Variants in KDM2B observed in about 807,000 individuals in gnomAD.
KDM2B encodes the protein lysine demethylase 2B.
KDM2B carries 26 observed loss-of-function variants against 150.0 expected under a neutral mutation model. The ratio of observed to expected loss-of-function variants is 0.17; its 90% confidence interval spans 0.13 to 0.24. KDM2B has a LOEUF of 0.24. Ranked by LOEUF, KDM2B falls within the 10% of genes least tolerant of loss-of-function variation. The pLI is 1.00. For missense variants in KDM2B, 1,265 were observed against 1,816.9 expected (o/e 0.70, Z 5.52); for synonymous variants, 734 against 729.5 (o/e 1.01, Z -0.10).
Position 121,509,776 on chromosome 12 carries a change from T to C in KDM2B, c.1438A>G (p.Ser480Gly). The C allele has an allele frequency of 1.2e-6, 2 of 1,614,130 alleles. No individual in the cohort carries two copies. Among genetic ancestry groups the C allele is most frequent in the Non-Finnish European group, 1.7e-6 (2 of 1,180,020 alleles). The change falls in exon 11 of 23, where the codon AGT (serine) becomes GGT (glycine). Residue 480 changes from serine to glycine, a missense_variant. Physicochemically the swap from Ser to Gly is moderately conservative, Grantham distance 56 (BLOSUM62 0). Transcript: ENST00000377071. ...ACGGCCAATGTGGTGGACTTCACACTTTCCTCCGACTCATTAGACAAAGTC... is the reference window on the plus strand; with the variant it reads ...ACGGCCAATGTGGTGGACTTCACACCTTCCTCCGACTCATTAGACAAAGTC... ...KRTLSNESEE[S>G]VKSTTLAVDY...
intron 4 of KDM2B, among the ~76,000 whole-genome samples, chr12:121,556,556 A>C (rs2142177838): frequency 6.6e-6 from 1 of 152,252 alleles, no homozygotes; most frequent in East Asian, 1.9e-4. Flanking sequence ...TTTCTTTATA[A>C]ATAATCCAAC....
Position 121,575,758 on chromosome 12 carries a change from A to C in KDM2B, c.350+23T>G. On this transcript the variant is annotated intron_variant, in intron 3 of 22. Transcript: ENST00000377071. The surrounding 1 kb of genome is among the most constrained non-coding windows in gnomAD (Gnocchi z 4.4). ...TGTTAGGGAGGAAGACGGGGGAAGG[A>C]GTGATTAGTTTCAGCAACTTACTTA... The C allele has an allele frequency of 2.0e-6, 3 of 1,525,224 alleles. No homozygotes were observed. The highest frequency in any genetic ancestry group is 2.7e-6 in the Non-Finnish European group (3 of 1,099,076). The allele number at this position is 1,525,224 out of a possible 1,614,324, so 94.5% of individuals were successfully genotyped here.
chr12:121,572,784 AGC>A (rs1474303374), intron 4 of KDM2B, among the ~76,000 whole-genome samples: 1 of 150,020 alleles, frequency 6.7e-6, no homozygotes, highest in Admixed American at 6.6e-5. Flanking sequence ...CCTCCCAAGT[AGC>A]TACAACTACA....
intron 12 of KDM2B, among the ~76,000 whole-genome samples, chr12:121,478,362 T>TA: frequency 5.0e-5 from 1 of 20,180 alleles, no homozygotes; most frequent in East Asian, 1.3e-3. Flanking sequence ...AAGTAGATCC[T>TA]TTTTTTTTTT....
intron 12 of KDM2B, among the ~76,000 whole-genome samples, chr12:121,478,666 A>G (rs781997211): frequency 1.3e-5 from 2 of 150,268 alleles, no homozygotes; most frequent in Non-Finnish European, 3.0e-5. Flanking sequence ...GCTGACCCCA[A>G]TTATTTATAC....
At chr12:121,516,370 A>G (rs1411136873) in intron 9 of KDM2B, 1 of 729,308 alleles carries the variant, frequency 1.4e-6, no homozygotes, top group Non-Finnish European at 2.0e-6. Flanking sequence ...CTGGGTGAAA[A>G]CAAATGCTGA....
In KDM2B at chr12:121,520,921, C is replaced by T. The variant is rs1594036259; in HGVS notation, c.1047+64G>A. On this transcript the variant is annotated intron_variant, in intron 9 of 22. Transcript: ENST00000377071. This position sits in a 1 kb window ranked among gnomAD's most constrained non-coding sequence, Gnocchi z 4.5. ...GGACTTCAGTATGACCTGTCCCACA[C>T]ACCGAGCACCGGCAGAGCTCAGGGG... The T allele has an allele frequency of 1.6e-6, 2 of 1,255,960 alleles. No homozygotes were observed. Among genetic ancestry groups the T allele is most frequent in the African/African-American group, 3.0e-5 (2 of 67,786 alleles). 77.8% of individuals were successfully genotyped at this position (1,255,960 alleles called of 1,614,324 possible).
chr12:121,580,644 C>T, intron 1 of KDM2B, 142 bp downstream of exon 1: 1 of 1,316,428 alleles, frequency 7.6e-7, no homozygotes, highest in Non-Finnish European at 1.0e-6. Context: ...GCGGGAGGCG[C>T]GGAAATGCAA....
intron 4 of KDM2B, among the ~76,000 whole-genome samples, chr12:121,573,296 T>C (rs1891253720): frequency 6.6e-6 from 1 of 151,698 alleles, no homozygotes; most frequent in African/African-American, 2.4e-5. Context: ...TTTTTTTTTT[T>C]TTTTGAGACA....
At chr12:121,517,308 G>A (rs1230190770) in intron 9 of KDM2B, among the ~76,000 whole-genome samples, 3 of 151,984 alleles carry the variant, frequency 2.0e-5, no homozygotes, top group Non-Finnish European at 4.4e-5. Context: ...GTATATGTTC[G>A]TGCCACCTCA....
At chr12:121,497,465 T>C (rs1300890879) in intron 11 of KDM2B, among the ~76,000 whole-genome samples, 1 of 152,004 alleles carries the variant, frequency 6.6e-6, no homozygotes, top group East Asian at 1.9e-4. Flanking sequence ...CCACCACCCC[T>C]GGCTAATTTT....
At chr12:121,440,467 TGGA>T (rs1555287892) in intron 21 of KDM2B, 2 of 377,088 alleles carry the variant, frequency 5.3e-6, no homozygotes, top group Admixed American at 8.5e-5. Context: ...CCGATGGCAG[TGGA>T]GGCTTGAAAC....
intron 12 of KDM2B, among the ~76,000 whole-genome samples, chr12:121,487,249 T>C (rs538579394): frequency 6.6e-6 from 1 of 152,324 alleles, no homozygotes; most frequent in Admixed American, 6.5e-5. Flanking sequence ...TTTTCTGCTG[T>C]TGATGTTGTC....
intron 4 of KDM2B, among the ~76,000 whole-genome samples, chr12:121,555,324 T>C (rs1433366815): frequency 6.6e-6 from 1 of 152,240 alleles, no homozygotes; most frequent in Non-Finnish European, 1.5e-5. Flanking sequence ...TGTTATTTAT[T>C]TTGCAAGTGT....
chr12:121,460,513 C>G (rs955393866), intron 12 of KDM2B, among the ~76,000 whole-genome samples: 1 of 152,214 alleles, frequency 6.6e-6, no homozygotes, highest in Admixed American at 6.5e-5. Flanking sequence ...GATCCTCCCA[C>G]GTCAGCCTCC....
At chr12:121,555,828 A>G (rs545172460) in intron 4 of KDM2B, among the ~76,000 whole-genome samples, 1 of 152,272 alleles carries the variant, frequency 6.6e-6, no homozygotes, top group East Asian at 1.9e-4. Context: ...GTGAGGGTGG[A>G]TCCTTCACGA....
chr12:121,490,663 A>C (rs531221961), intron 12 of KDM2B, among the ~76,000 whole-genome samples: 1 of 152,304 alleles, frequency 6.6e-6, no homozygotes, highest in Admixed American at 6.5e-5. Flanking sequence ...TTGGTCATAA[A>C]AGGAAGCAGC....
chr12:121,436,382 G>A (rs979994456), intron 22 of KDM2B, among the ~76,000 whole-genome samples: 5 of 152,188 alleles, frequency 3.3e-5, no homozygotes, highest in Non-Finnish European at 7.4e-5. Context: ...TTAGCTGGGC[G>A]TGGTGGCGGG....
chr12:121,524,596 A>G (rs1886971836), intron 8 of KDM2B: 2 of 339,444 alleles, frequency 5.9e-6, no homozygotes, highest in Non-Finnish European at 1.2e-5. Context: ...AGCTCTGCTC[A>G]CATCTGCTTC....
Sources: gnomAD v4.1 joint callset for allele counts (sites outside exome capture counted in the v4.1 genomes callset) on GRCh38, gnomAD v4.1.1 for gene constraint, Gnocchi (gnomAD v3.1) non-coding constraint, MANE v1.5 for transcripts, NCBI Gene and HGNC (gene_info 2026-07-23, HGNC 2026-07-21) for gene names.